Variants in HRH1 observed in about 807,000 individuals in gnomAD.
HRH1 encodes histamine H1 receptor.
In HRH1, 6 loss-of-function variants were observed where a neutral mutation model predicts 10.3. The ratio of observed to expected loss-of-function variants is 0.58; its 90% CI spans 0.32 to 1.15. HRH1 has a LOEUF of 1.15. Among genes scored for constraint, HRH1 ranks in the 50% most tolerant of loss-of-function variants. HRH1 has a pLI of 0.05. For missense variants in HRH1, 514 were observed against 615.3 expected (o/e 0.84, Z 1.74); for synonymous variants, 242 against 236.7 (o/e 1.02, Z -0.21).
chr3:11,145,084 A>G (rs1936406915), intron 1 of HRH1, among the ~76,000 whole-genome samples: 2 of 151,966 alleles, frequency 1.3e-5, no homozygotes, highest in African/African-American at 4.8e-5. Context: ...GCGCTAGTTC[A>G]GGCCCCATAC....
chr3:11,219,125 G>A (rs938270366), intron 1 of HRH1, among the ~76,000 whole-genome samples: 3 of 151,910 alleles, frequency 2.0e-5, no homozygotes, highest in Non-Finnish European at 4.4e-5. Flanking sequence ...TCCTGACCTC[G>A]TGATCCACCC....
chr3:11,193,021 G>A (rs1937578262), intron 1 of HRH1, among the ~76,000 whole-genome samples: 1 of 152,198 alleles, frequency 6.6e-6, no homozygotes, highest in African/African-American at 2.4e-5. Flanking sequence ...ACCAAGTTTA[G>A]TAATAAATAC....
chr3:11,205,391 G>C (rs1938081991), intron 1 of HRH1, among the ~76,000 whole-genome samples: 2 of 152,184 alleles, frequency 1.3e-5, no homozygotes, highest in South Asian at 2.1e-4. Flanking sequence ...TCTGGAAACA[G>C]ACTGCCTGGG....
chr3:11,201,070 G>A (rs910145207), intron 1 of HRH1, among the ~76,000 whole-genome samples: 2 of 152,174 alleles, frequency 1.3e-5, no homozygotes, highest in African/African-American at 4.8e-5. Context: ...AGTTTTCGGG[G>A]ATCTATCAGT....
At chr3:11,234,239 C>G (rs1939115281) in intron 1 of HRH1, 5 of 1,499,286 alleles carry the variant, frequency 3.3e-6, no homozygotes, top group Non-Finnish European at 4.6e-6. Context: ...GAGCCCAGTG[C>G]CTTGTGGCCT....
intron 1 of HRH1, among the ~76,000 whole-genome samples, chr3:11,202,981 C>T (rs972575908): frequency 9.2e-5 from 14 of 152,276 alleles, no homozygotes; most frequent in East Asian, 7.7e-4. Flanking sequence ...TTTTCCAGGA[C>T]GTCATACAGT....
chr3:11,224,053 C>T (rs1001400719), intron 1 of HRH1, among the ~76,000 whole-genome samples: 1 of 152,148 alleles, frequency 6.6e-6, no homozygotes, highest in Non-Finnish European at 1.5e-5. Context: ...TGATTGAGGC[C>T]ATCTCTCCTG....
chr3:11,221,851 T>G (rs1199318033), intron 1 of HRH1, among the ~76,000 whole-genome samples: 5 of 152,192 alleles, frequency 3.3e-5, no homozygotes, highest in Non-Finnish European at 7.3e-5. Context: ...GCAGTATTTC[T>G]CTTTCTCTGA....
intron 1 of HRH1, among the ~76,000 whole-genome samples, chr3:11,225,279 C>T (rs919082547): frequency 3.9e-5 from 6 of 152,340 alleles, no homozygotes; most frequent in South Asian, 2.1e-4. Context: ...CTTGCCTAAT[C>T]GCTTGGCTTC....
chr3:11,139,478 C>G (rs970860850), intron 1 of HRH1, among the ~76,000 whole-genome samples: 1 of 152,022 alleles, frequency 6.6e-6, no homozygotes, highest in Non-Finnish European at 1.5e-5. Context: ...CAAGGTTTCA[C>G]CGTGTTGGCA....
In HRH1 at chr3:11,175,507, C is replaced by T. The variant is rs1329297331; in HGVS notation, c.-36+20953C>T. Among the ~76,000 whole-genome samples the T allele has an allele frequency of 2.6e-5, 4 of 152,260 alleles. No individual in the cohort carries two copies. The East Asian group carries it at 7.7e-4, about 29-fold the overall frequency. ...TAGTTTGCAAAGCCCTCTTCAGCAC[C>T]CTGAAATGCAGTTAATAGATTATAT... On this transcript the variant is annotated intron_variant, in intron 1 of 1. Transcript: ENST00000431010.
chr3:11,160,906 T>C (rs1292343974), intron 1 of HRH1, among the ~76,000 whole-genome samples: 1 of 152,240 alleles, frequency 6.6e-6, no homozygotes, highest in Non-Finnish European at 1.5e-5. Context: ...AAGAGCCTGT[T>C]ACCTTGTATA....
At chr3:11,181,931 C>A (rs34660482) in intron 1 of HRH1, among the ~76,000 whole-genome samples, 2,058 of 151,944 alleles carry the variant, frequency 0.014, 19 homozygotes, top group Non-Finnish European at 0.02. Context: ...ACGCCTGGCC[C>A]CCTTGCTCAT....
At chr3:11,145,168 A>G (rs1408785442) in intron 1 of HRH1, among the ~76,000 whole-genome samples, 1 of 152,112 alleles carries the variant, frequency 6.6e-6, no homozygotes, top group Non-Finnish European at 1.5e-5. Context: ...CTTAAAGTCC[A>G]ACTCCAATCA....
At chr3:11,256,432 A>T (rs994153968) in intron 1 of HRH1, among the ~76,000 whole-genome samples, 3 of 152,176 alleles carry the variant, frequency 2.0e-5, no homozygotes, top group Non-Finnish European at 4.4e-5. Context: ...TCCAACAAAG[A>T]CATTTAAAAG....
intron 1 of HRH1, among the ~76,000 whole-genome samples, chr3:11,255,502 A>C (rs903334097): frequency 6.6e-6 from 1 of 152,226 alleles, no homozygotes; most frequent in Non-Finnish European, 1.5e-5. Context: ...AAAATCTGAG[A>C]TAGGTCTCAG....
At chr3:11,146,084 T>C (rs142853445) in intron 1 of HRH1, among the ~76,000 whole-genome samples, 55 of 152,296 alleles carry the variant, frequency 3.6e-4, no homozygotes, top group African/African-American at 1.3e-3. Flanking sequence ...CAGAGTGGAA[T>C]TTCTGGATCA....
intron 1 of HRH1, among the ~76,000 whole-genome samples, chr3:11,227,763 G>C (rs1575028615): frequency 6.6e-6 from 1 of 152,162 alleles, no homozygotes; most frequent in Non-Finnish European, 1.5e-5. Context: ...TCCTCTCTCT[G>C]AGAGTGAATA....
At chr3:11,242,479 TCAAAAAAAAA>T (rs1366998204) in intron 1 of HRH1, among the ~76,000 whole-genome samples, 1 of 42,008 alleles carries the variant, frequency 2.4e-5, no homozygotes, top group African/African-American at 1.2e-4. Flanking sequence ...AGACTCCGTC[TCAAAAAAAAA>T]AAAAAAAAAA....
Sources: allele counts gnomAD v4.1 joint callset (sites outside exome capture counted in the v4.1 genomes callset), GRCh38; gene constraint gnomAD v4.1.1; transcripts MANE v1.5; gene names NCBI Gene and HGNC (gene_info 2026-07-23, HGNC 2026-07-21).